Variants in PTCHD4 observed in about 807,000 individuals in gnomAD.
PTCHD4 encodes patched domain-containing protein 4.
Under a neutral mutation model 58.1 loss-of-function variants are expected in PTCHD4, and 33 were observed. That is an observed-to-expected ratio of 0.57 (90% CI 0.43 to 0.76). The LOEUF (loss-of-function observed/expected upper bound fraction) is 0.76. PTCHD4 is among the 30% of genes least tolerant of loss of function. The probability of loss-of-function intolerance (pLI) is 0.00; values close to 1 mark genes in which losing one functional copy is unlikely to be tolerated. For missense variants in PTCHD4, 1,058 were observed against 1,027.1 expected (o/e 1.03, Z -0.41); for synonymous variants, 478 against 409.6 (o/e 1.17, Z -2.02).
At position 47,870,065 on chromosome 6, in the gene PTCHD4, T is replaced by A. The variant is rs1763674091; in HGVS notation, c.*8238A>T. ...ATAGAATATACACCTGTATAATTTA[T>A]CACTACTTTAATATATAAATTATTT... On this transcript the variant is annotated 3_prime_UTR_variant, in exon 5 of 5. Coordinates refer to ENST00000339488, the MANE Select transcript of PTCHD4 (RefSeq NM_001384253.1). 6.6e-6 allele frequency among the ~76,000 whole-genome samples: 1 copy of A among 151,720 alleles called. No homozygotes were observed. The highest frequency in any genetic ancestry group is 2.1e-4 in the South Asian group (1 of 4,832).
chr6:48,109,694 A>G (rs1765823189), intron 1 of PTCHD4, among the ~76,000 whole-genome samples: 1 of 152,126 alleles, frequency 6.6e-6, no homozygotes. Context: ...TAAGAAACTC[A>G]TGCTACTCAA....
chr6:47,970,083 C>T (rs1767447544), intron 4 of PTCHD4, among the ~76,000 whole-genome samples: 1 of 152,052 alleles, frequency 6.6e-6, no homozygotes, highest in South Asian at 2.1e-4. Flanking sequence ...AAAAGAGACA[C>T]CTATGGCTAC....
intron 3 of PTCHD4, among the ~76,000 whole-genome samples, chr6:48,041,706 A>G (rs1260928929): frequency 6.6e-6 from 1 of 152,002 alleles, no homozygotes; most frequent in Non-Finnish European, 1.5e-5. Context: ...TCCTGTTGAG[A>G]GGGTCATGCA....
At chr6:47,954,937 A>T (rs1208926575) in intron 4 of PTCHD4, among the ~76,000 whole-genome samples, 1 of 152,174 alleles carries the variant, frequency 6.6e-6, no homozygotes, top group Admixed American at 6.5e-5. Context: ...CCATGTTGTG[A>T]GGAAGTTCAA....
intron 4 of PTCHD4, among the ~76,000 whole-genome samples, chr6:47,991,423 A>G (rs1427331628): frequency 6.6e-6 from 1 of 152,132 alleles, no homozygotes; most frequent in African/African-American, 2.4e-5. Context: ...CAAACAAACA[A>G]AAAATGGAGA....
intron 3 of PTCHD4, among the ~76,000 whole-genome samples, chr6:48,057,170 GGTTTTTTTT>G (rs1340545163): frequency 1.4e-5 from 2 of 146,386 alleles, no homozygotes; most frequent in South Asian, 2.2e-4. Flanking sequence ...TTCTGGCGGC[GGTTTTTTTT>G]GTTTTTTTTT....
chr6:47,885,794 C>T (rs933101339), intron 4 of PTCHD4, among the ~76,000 whole-genome samples: 4 of 152,274 alleles, frequency 2.6e-5, no homozygotes, highest in East Asian at 1.9e-4. Flanking sequence ...TCTCTGGTGA[C>T]GTAGTTAGGC....
chr6:48,110,949 C>T (rs1765862696), intron 1 of PTCHD4, among the ~76,000 whole-genome samples, 100 bp downstream of exon 1: 1 of 151,766 alleles, frequency 6.6e-6, no homozygotes, highest in Non-Finnish European at 1.5e-5. Flanking sequence ...TACAGAATGA[C>T]CCTTCTACAC....
At chr6:48,035,125 T>C (rs1582054686) in intron 3 of PTCHD4, among the ~76,000 whole-genome samples, 1 of 152,114 alleles carries the variant, frequency 6.6e-6, no homozygotes, top group African/African-American at 2.4e-5. Flanking sequence ...ATTTGTGTAG[T>C]AGATGAATAA....
At chr6:48,007,180 C>T (rs1762467225) in intron 4 of PTCHD4, among the ~76,000 whole-genome samples, 1 of 152,048 alleles carries the variant, frequency 6.6e-6, no homozygotes, top group Non-Finnish European at 1.5e-5. Flanking sequence ...AGAGAGGTTG[C>T]AGTGAGTTGA....
intron 4 of PTCHD4, among the ~76,000 whole-genome samples, chr6:47,970,701 G>GT (rs781479800): frequency 6.6e-6 from 1 of 152,282 alleles, no homozygotes; most frequent in African/African-American, 2.4e-5. Context: ...TGATTGCTTT[G>GT]TTTTTTGTTC....
chr6:48,036,187 ATAAGCAGAGAGATACT>A (rs1763629334), intron 3 of PTCHD4, among the ~76,000 whole-genome samples: 1 of 152,098 alleles, frequency 6.6e-6, no homozygotes, highest in Non-Finnish European at 1.5e-5. Flanking sequence ...GTATGTGTGT[ATAAGCAGAGAGATACT>A]TAAGCGAAGA....
rs1763495130 is a variant in PTCHD4 at position 47,864,075 on chromosome 6, A to G, written c.*14228T>C. ...AATGTCTGTTGCTGTTCACAAACTT[A>G]GATTTCAGAGATTTTCAAAGTCCAA... is the stretch of plus-strand genomic sequence containing the variant. On this transcript the variant is annotated 3_prime_UTR_variant, in exon 5 of 5. Coordinates refer to ENST00000339488, the MANE Select transcript of PTCHD4 (RefSeq NM_001384253.1). 1.3e-5 allele frequency among the ~76,000 whole-genome samples: 2 copies of G among 151,922 alleles called. No homozygotes were observed. The highest frequency in any genetic ancestry group is 2.9e-5 in the Non-Finnish European group (2 of 67,908).
rs956190591 is a variant in PTCHD4 at position 47,861,343 on chromosome 6, G to C, written c.*16960C>G. Among the ~76,000 whole-genome samples the C allele has an allele frequency of 5.9e-5, 4 of 67,278 alleles. No individual in the cohort carries two copies. The highest frequency in any genetic ancestry group is 1.0e-4 in the Non-Finnish European group (3 of 29,324). 44.1% of individuals were successfully genotyped at this position (67,278 alleles called of 152,430 possible). On this transcript the variant is annotated 3_prime_UTR_variant, in exon 5 of 5. Transcript: ENST00000339488. ...AAATTTTATTTGTGTCTCAATTCTTGCCTGACTGTTTACTTACTAGTATTT... is the reference window on the plus strand; with the variant it reads ...AAATTTTATTTGTGTCTCAATTCTTCCCTGACTGTTTACTTACTAGTATTT...
intron 3 of PTCHD4, among the ~76,000 whole-genome samples, chr6:48,012,782 A>AG (rs1380865094): frequency 2.6e-5 from 4 of 152,182 alleles, no homozygotes; most frequent in Admixed American, 1.3e-4. Flanking sequence ...TTTAGCATGA[A>AG]GGGGTGTTTA....
In PTCHD4 at chr6:48,069,768, G is replaced by A. The variant is rs1012719377; in HGVS notation, c.-811C>T. On this transcript the variant is annotated 5_prime_UTR_variant, in exon 2 of 5. Transcript: ENST00000339488. Reference sequence around the variant, plus strand: ...CACTTTCTGTATTCTTGAGATTAAAGGACAGAAAGTTCCTAAAGCTGATTT... The same window carrying A: ...CACTTTCTGTATTCTTGAGATTAAAAGACAGAAAGTTCCTAAAGCTGATTT... Among the ~76,000 whole-genome samples, 13 of 152,228 alleles carry A rather than the reference G, an allele frequency of 8.5e-5. No individual in the cohort carries two copies. The East Asian group carries it at 2.5e-3, about 29-fold the overall frequency.
chr6:47,898,869 C>T (rs114225564), intron 4 of PTCHD4, among the ~76,000 whole-genome samples: 357 of 152,254 alleles, frequency 2.3e-3, no homozygotes, highest in African/African-American at 7.6e-3. Flanking sequence ...AGTGTCCTTT[C>T]TTTTTAGGTC....
chr6:47,935,560 A>T (rs1264911258), intron 4 of PTCHD4, among the ~76,000 whole-genome samples: 2 of 152,188 alleles, frequency 1.3e-5, no homozygotes, highest in Admixed American at 1.3e-4. Context: ...AAAGCATTTT[A>T]GGAGGAATTC....
Position 48,008,285 on chromosome 6 carries a change from T to C in PTCHD4, c.898+349A>G, listed in dbSNP as rs1476149451. ...ACTCCCATCAACTTGAGAATGGCCA[T>C]GAATATGGACCACAAAATTTTGCTC... On this transcript the variant is annotated intron_variant, in intron 4 of 4. Coordinates refer to ENST00000339488, the MANE Select transcript of PTCHD4 (RefSeq NM_001384253.1). Among the ~76,000 whole-genome samples, 3 of 152,208 alleles carry C rather than the reference T, an allele frequency of 2.0e-5. No individual in the cohort carries two copies. The East Asian group carries it at 5.8e-4, about 29-fold the overall frequency.
Sources: gnomAD v4.1 joint callset for allele counts (sites outside exome capture counted in the v4.1 genomes callset) on GRCh38, gnomAD v4.1.1 for gene constraint, MANE v1.5 for transcripts, NCBI Gene and HGNC (gene_info 2026-07-23, HGNC 2026-07-21) for gene names.